SNRNP200: variants seen among roughly 807,000 people sequenced by gnomAD.
SNRNP200 encodes the protein small nuclear ribonucleoprotein U5 subunit 200, also known as U5 small nuclear ribonucleoprotein 200 kDa helicase.
A neutral mutation model predicts 255.2 loss-of-function variants in SNRNP200; 66 were observed. That is an observed-to-expected ratio of 0.26 (90% confidence interval 0.21 to 0.32). The LOEUF is 0.32. Ranked by LOEUF, SNRNP200 falls within the 10% of genes least tolerant of loss-of-function variation. The pLI, the probability that SNRNP200 is intolerant of heterozygous loss-of-function variation, is 1.00. For missense variants in SNRNP200, 1,585 were observed against 2,749.8 expected (o/e 0.58, Z 9.47); for synonymous variants, 939 against 1,027.8 (o/e 0.91, Z 1.65).
intron 34 of SNRNP200, chr2:96,282,674 A>G: frequency 4.2e-6 from 1 of 236,518 alleles, no homozygotes; most frequent in Non-Finnish European, 8.4e-6. Context: ...GTTGTTCAAA[A>G]GTGTGTAGCA....
chr2:96,283,764 T>A lies in SNRNP200; in HGVS notation c.4584+49A>T, dbSNP rs778870456. On this transcript the variant is annotated intron_variant, in intron 32 of 44. Transcript: ENST00000323853. This position sits in a 1 kb window ranked among gnomAD's most constrained non-coding sequence, Gnocchi z 4.7. Reference sequence around the variant, plus strand: ...ACCAAGGTTATCAGACCTGGGTCACTCAGGATCTATGTGACACCCCACAGA... The same window carrying A: ...ACCAAGGTTATCAGACCTGGGTCACACAGGATCTATGTGACACCCCACAGA... 1.2e-6 allele frequency: 2 copies of A among 1,613,878 alleles called. No individual in the cohort carries two copies. The highest frequency in any genetic ancestry group is 1.7e-6 in the Non-Finnish European group (2 of 1,179,866).
At chr2:96,300,022 C>T (rs988839723) in intron 5 of SNRNP200, among the ~76,000 whole-genome samples, 11 of 152,184 alleles carry the variant, frequency 7.2e-5, no homozygotes, top group African/African-American at 2.7e-4. Flanking sequence ...GAAGGAGAAA[C>T]TGAAGCAAGA....
Position 96,284,531 on chromosome 2 carries a change from G to C in SNRNP200, c.4219C>G (p.Leu1407Val), listed in dbSNP as rs771318570. The stretch of plus-strand genomic sequence containing the variant: ...TCTGTGCTGGTCTCGCCTGTCAGGA[G>C]TACCACCTTCTTGTTGAGCCTGTCC... Reference protein sequence around the residue: ...FQDRLNKKVVLLTGETSTDLK... With the variant: ...FQDRLNKKVVVLTGETSTDLK... The change falls in exon 31 of 45, where the codon CTC becomes GTC. Residue 1407 changes from leucine to valine, a missense_variant. By Grantham distance (32) the Leu-to-Val change is conservative (BLOSUM62 1). This residue lies in a region of SNRNP200 where 719 missense variants were observed against 1,091.1 expected (regional missense o/e 0.66). Transcript: ENST00000323853. 3 of 1,614,114 alleles carry C rather than the reference G, an allele frequency of 1.9e-6. No homozygotes were observed. The highest frequency in any genetic ancestry group is 8.5e-7 in the Non-Finnish European group (1 of 1,180,028).
chr2:96,305,490 C>A lies in SNRNP200; in HGVS notation c.-53G>T, dbSNP rs921170930. ...CACCACGCCTCCCTACCGCAAGCTG[C>A]AAACGGCCGCAGATCTCTGCTCCCG... On this transcript the variant is annotated 5_prime_UTR_variant, in exon 1 of 45. Coordinates refer to ENST00000323853, the MANE Select transcript of SNRNP200 (RefSeq NM_014014.5). The A allele has an allele frequency of 2.5e-5, 40 of 1,610,486 alleles. No homozygotes were observed. The highest frequency in any genetic ancestry group is 3.2e-5 in the Non-Finnish European group (38 of 1,178,288).
chr2:96,297,296 G>T (rs1016271163), intron 11 of SNRNP200, 67 bp downstream of exon 11: 4 of 1,586,956 alleles, frequency 2.5e-6, no homozygotes, highest in Non-Finnish European at 2.6e-6. Context: ...GCTACATTTT[G>T]GTCAATGGTT....
intron 35 of SNRNP200, chr2:96,281,585 A>G (rs994129077): frequency 3.8e-6 from 2 of 526,276 alleles, no homozygotes; most frequent in Non-Finnish European, 7.0e-6. Flanking sequence ...TCCTGGCTCT[A>G]ATTTCCTACC....
rs754883883 is a variant in SNRNP200 at position 96,283,794 on chromosome 2, TGAG to T, written c.4584+16_4584+18del. 6.2e-7 allele frequency: 1 copy of T among 1,613,576 alleles called. No individual in the cohort carries two copies. Among genetic ancestry groups the T allele is most frequent in the South Asian group, 1.1e-5 (1 of 91,056 alleles). ...ATCTATGTGACACCCCACAGACGGATGAGGAGAGTGGGTCCTACCTGGATGTGC... is the reference window on the plus strand; with the variant it reads ...ATCTATGTGACACCCCACAGACGGATGAGAGTGGGTCCTACCTGGATGTGC... On this transcript the variant is annotated intron_variant, in intron 32 of 44. Coordinates refer to ENST00000323853, the MANE Select transcript of SNRNP200 (RefSeq NM_014014.5). The surrounding 1 kb of genome is among the most constrained non-coding windows in gnomAD (Gnocchi z 4.7).
Position 96,288,283 on chromosome 2 carries a change from G to C in SNRNP200, c.3259-314C>G, listed in dbSNP as rs571944271. On this transcript the variant is annotated intron_variant, in intron 24 of 44. Coordinates refer to ENST00000323853, the MANE Select transcript of SNRNP200 (RefSeq NM_014014.5). ...GAAGAGTTGAGGGTACCAGTGACCT[G>C]TTCTTAGAGGTAAAGATGAAGAGCA... Among the ~76,000 whole-genome samples the C allele has an allele frequency of 1.2e-4, 19 of 152,308 alleles. No homozygotes were observed. In the East Asian group the frequency reaches 3.3e-3, roughly 26 times the overall value.
intron 21 of SNRNP200, 78 bp downstream of exon 21, chr2:96,289,721 G>A: frequency 1.5e-6 from 2 of 1,308,296 alleles, no homozygotes; most frequent in East Asian, 2.3e-5. Flanking sequence ...CTCACATCAA[G>A]AGAGCAATCT....
intron 35 of SNRNP200, among the ~76,000 whole-genome samples, chr2:96,280,333 C>CA (rs1558763886): frequency 1.3e-5 from 2 of 151,304 alleles, no homozygotes; most frequent in Admixed American, 6.6e-5. Flanking sequence ...CCCATCTATA[C>CA]AAAAAAAAGG....
In SNRNP200 at chr2:96,286,978, C is replaced by G. The variant is rs567734257; in HGVS notation, c.3639+28G>C. On this transcript the variant is annotated intron_variant, in intron 27 of 44. Transcript: ENST00000323853. The surrounding 1 kb of genome is among the most constrained non-coding windows in gnomAD (Gnocchi z 4.8). ...GCAACGTAGACTGAGCACCTCCAATCCAGCACCTCTGCCCAGCAAAGCCTC... is the reference window on the plus strand; with the variant it reads ...GCAACGTAGACTGAGCACCTCCAATGCAGCACCTCTGCCCAGCAAAGCCTC... 1 of 1,614,192 alleles carries G rather than the reference C, an allele frequency of 6.2e-7. No individual in the cohort carries two copies. The highest frequency in any genetic ancestry group is 8.5e-7 in the Non-Finnish European group (1 of 1,180,020).
chr2:96,301,798 G>A, intron 3 of SNRNP200, 82 bp from the exon 4 acceptor site: 1 of 1,469,312 alleles, frequency 6.8e-7, no homozygotes. Context: ...GCGGCAGGAT[G>A]TGAAGAGCCA....
rs878865872 is a variant in SNRNP200, at chr2:96,283,792, GA to G, written c.4584+20del. On this transcript the variant is annotated intron_variant, in intron 32 of 44. Coordinates refer to ENST00000323853, the MANE Select transcript of SNRNP200 (RefSeq NM_014014.5). This position sits in a 1 kb window ranked among gnomAD's most constrained non-coding sequence, Gnocchi z 4.7. The stretch of plus-strand genomic sequence containing the variant: ...GGATCTATGTGACACCCCACAGACG[GA>G]TGAGGAGAGTGGGTCCTACCTGGAT... The G allele has an allele frequency of 1.9e-6, 3 of 1,613,812 alleles. No individual in the cohort carries two copies. The highest frequency in any genetic ancestry group is 2.2e-5 in the South Asian group (2 of 91,072).
At chr2:96,292,050 TA>T in intron 16 of SNRNP200, 150 bp from the exon 17 acceptor site, 1 of 866,418 alleles carries the variant, frequency 1.2e-6, no homozygotes, top group Non-Finnish European at 1.9e-6. Context: ...AGAGGAAGCC[TA>T]AACACGGCTG....
At chr2:96,280,157 C>T (rs931229619) in intron 35 of SNRNP200, among the ~76,000 whole-genome samples, 10 of 152,120 alleles carry the variant, frequency 6.6e-5, no homozygotes, top group Non-Finnish European at 1.2e-4. Flanking sequence ...AAAATGAACC[C>T]GTAAATAAAA....
rs1429763076 is a variant in SNRNP200, at chr2:96,284,499, C to A, written c.4251G>T (p.Lys1417Asn). Residue 1417 changes from lysine to asparagine, a missense_variant, in exon 31 of 45, where the codon AAG (lysine) becomes AAT (asparagine). Around this residue, in one of 9 missense-constraint regions of SNRNP200, gnomAD observed 719 missense variants for 1,091.1 expected, o/e 0.66. Coordinates refer to ENST00000323853, the MANE Select transcript of SNRNP200 (RefSeq NM_014014.5). ...LLTGETSTDL[K>N]LLGKGNIIIS... ...TGATAATGTTCCCTTTGCCCAGCAG[C>A]TTCAGGTCTGTGCTGGTCTCGCCTG... The A allele has an allele frequency of 6.2e-7, 1 of 1,614,182 alleles. No individual in the cohort carries two copies.
intron 16 of SNRNP200, among the ~76,000 whole-genome samples, chr2:96,292,469 C>T (rs1427384953): frequency 2.0e-5 from 3 of 152,186 alleles, no homozygotes; most frequent in Non-Finnish European, 4.4e-5. Flanking sequence ...ACTCGACTTT[C>T]AATTTAAAAA....
Position 96,296,094 on chromosome 2 carries a change from T to C in SNRNP200, c.1672-436A>G, listed in dbSNP as rs117900752. Among the ~76,000 whole-genome samples, 993 of 152,164 alleles carry C rather than the reference T, an allele frequency of 6.5e-3. 14 individuals are homozygous for C. The highest frequency in any genetic ancestry group is 0.059 in the East Asian group (305 of 5,170). On this transcript the variant is annotated intron_variant, in intron 13 of 44. Transcript: ENST00000323853. ...GCTGCAGTGAGCCATGATTGTGCCA[T>C]TGCACTCCAGCTTGGGCGACAGCGA...
chr2:96,281,357 G>A (rs1558764276), intron 35 of SNRNP200: 2 of 186,428 alleles, frequency 1.1e-5, no homozygotes, highest in Admixed American at 1.1e-4. Flanking sequence ...TAGTAGAGAC[G>A]GGGGTTTCAC....
Sources: gnomAD v4.1 joint callset for allele counts (sites outside exome capture counted in the v4.1 genomes callset) on GRCh38, gnomAD v4.1.1 for gene constraint, gnomAD v4.1.1 regional missense constraint, Gnocchi (gnomAD v3.1) non-coding constraint, MANE v1.5 for transcripts, NCBI Gene and HGNC (gene_info 2026-07-23, HGNC 2026-07-21) for gene names.